SBF2: variants seen among roughly 807,000 people sequenced by gnomAD.
The protein encoded by SBF2 is myotubularin-related protein 13.
Under a neutral mutation model 225.2 loss-of-function variants are expected in SBF2, and 112 were observed. The observed-to-expected ratio is 0.50, with a 90% confidence interval of 0.43 to 0.58. The LOEUF (loss-of-function observed/expected upper bound fraction) is 0.58, where lower values mean the gene tolerates loss of function less well. Among genes scored for constraint, SBF2 ranks in the 20% least tolerant of loss-of-function variants. The pLI, the probability that SBF2 is intolerant of heterozygous loss-of-function variation, is 0.00. For synonymous variants in SBF2, 763 were observed against 773.3 expected, an observed-to-expected ratio of 0.99 and a Z score of 0.22; for missense variants, 1,996 against 2,206.2, an observed-to-expected ratio of 0.90 and a Z score of 1.91.
Position 9,850,147 on chromosome 11 carries a change from A to G in SBF2, c.2682T>C (p.Asp894=). Residue 894 remains aspartate, a synonymous_variant, in exon 22 of 40, where the codon GAT becomes GAC. Coordinates refer to ENST00000256190, the MANE Select transcript of SBF2 (RefSeq NM_030962.4). ...IVCEGLRVLL[D]PDGREEATGG... ...CAGTAGCTTCTTCTCTTCCATCAGG[A>G]TCCAGCAAGACTCGAAGACCCTCAC... The G allele has an allele frequency of 6.2e-7, 1 of 1,614,096 alleles. No homozygotes were observed. Among genetic ancestry groups the G allele is most frequent in the Non-Finnish European group, 8.5e-7 (1 of 1,180,004 alleles).
At chr11:10,279,159 C>A (rs1048345966) in intron 1 of SBF2, among the ~76,000 whole-genome samples, 2 of 135,650 alleles carry the variant, frequency 1.5e-5, no homozygotes, top group Admixed American at 1.5e-4. Context: ...TGCCTGTAAT[C>A]TCAGCACTTT....
intron 2 of SBF2, among the ~76,000 whole-genome samples, chr11:10,073,863 A>G (rs143704766): frequency 6.6e-6 from 1 of 152,326 alleles, no homozygotes; most frequent in Non-Finnish European, 1.5e-5. Flanking sequence ...CAAGTGGGGA[A>G]ATATAAAGAC....
At chr11:9,927,079 G>T (rs912089632) in intron 16 of SBF2, among the ~76,000 whole-genome samples, 6 of 152,042 alleles carry the variant, frequency 3.9e-5, no homozygotes, top group Admixed American at 2.0e-4. Context: ...AGATTCTATA[G>T]ATATTAAAAA....
At chr11:9,794,089 G>C (rs1272339435) in intron 33 of SBF2, among the ~76,000 whole-genome samples, 1 of 151,984 alleles carries the variant, frequency 6.6e-6, no homozygotes, top group Non-Finnish European at 1.5e-5. Flanking sequence ...AGGCTGAGGT[G>C]GGATATCGCT....
chr11:9,872,154 T>A (rs1858827571), intron 17 of SBF2, among the ~76,000 whole-genome samples: 1 of 152,192 alleles, frequency 6.6e-6, no homozygotes, highest in South Asian at 2.1e-4. Flanking sequence ...AGGAATGAGA[T>A]CATGATCTTT....
intron 36 of SBF2, 54 bp downstream of exon 36, chr11:9,787,580 C>T: frequency 6.7e-7 from 1 of 1,492,290 alleles, no homozygotes; most frequent in Admixed American, 1.7e-5. Context: ...CTCCACCTGA[C>T]TTAGCACCCT....
chr11:10,281,327 C>T (rs59651099), intron 1 of SBF2, among the ~76,000 whole-genome samples: 3,201 of 152,160 alleles, frequency 0.021, 85 homozygotes, highest in African/African-American at 0.063. Flanking sequence ...CTGCAGCCTT[C>T]ATATCAGAAT....
chr11:9,815,194 C>T (rs1008663032), intron 29 of SBF2, among the ~76,000 whole-genome samples: 2 of 148,626 alleles, frequency 1.3e-5, no homozygotes, highest in African/African-American at 5.0e-5. Flanking sequence ...AATCCCAGCA[C>T]TTTGGGAGGC....
intron 2 of SBF2, among the ~76,000 whole-genome samples, chr11:10,061,943 T>C (rs1950460670): frequency 6.6e-6 from 1 of 152,202 alleles, no homozygotes; most frequent in Non-Finnish European, 1.5e-5. Context: ...CTTCAAACTA[T>C]AGTGCAAGGC....
intron 25 of SBF2, 135 bp downstream of exon 25, chr11:9,842,490 A>C: frequency 1.2e-6 from 1 of 822,092 alleles, no homozygotes; most frequent in South Asian, 1.5e-5. Context: ...CAGTTCTAAG[A>C]AGCTGGTAAG....
At chr11:10,198,611 A>C (rs561789108) in intron 1 of SBF2, among the ~76,000 whole-genome samples, 1 of 152,220 alleles carries the variant, frequency 6.6e-6, no homozygotes, top group African/African-American at 2.4e-5. Context: ...TTTGAAGCCA[A>C]GCATTTACTT....
rs138333932 is a variant in SBF2 at position 9,971,313 on chromosome 11, A to G, written c.1396-2768T>C. Among the ~76,000 whole-genome samples, 5 of 152,002 alleles carry G rather than the reference A, an allele frequency of 3.3e-5. No individual in the cohort carries two copies. The South Asian group carries it at 1.0e-3, about 32-fold the overall frequency. ...GTATTTTTTCTAGTTATATATATAT[A>G]TTTTTCTCTATTGTTATATTATCTG... On this transcript the variant is annotated intron_variant, in intron 13 of 39. Coordinates refer to ENST00000256190, the MANE Select transcript of SBF2 (RefSeq NM_030962.4).
intron 14 of SBF2, 28 bp from the exon 15 acceptor site, chr11:9,963,910 A>C (rs750489607): frequency 7.8e-7 from 1 of 1,286,388 alleles, no homozygotes; most frequent in Non-Finnish European, 1.1e-6. Context: ...AGAAAGCACA[A>C]ATAAATTAAA....
At chr11:9,917,656 CCTT>C (rs1863215792) in intron 16 of SBF2, among the ~76,000 whole-genome samples, 1 of 151,364 alleles carries the variant, frequency 6.6e-6, no homozygotes, top group Admixed American at 6.6e-5. Context: ...TTCTATCTTC[CCTT>C]CTTAATATTA....
chr11:9,887,072 T>G (rs1000573018), intron 17 of SBF2, among the ~76,000 whole-genome samples: 1 of 151,986 alleles, frequency 6.6e-6, no homozygotes, highest in Non-Finnish European at 1.5e-5. Flanking sequence ...ATAGTCTTAG[T>G]AGGCTGCCTC....
chr11:10,132,566 C>T (rs953852027), intron 2 of SBF2, among the ~76,000 whole-genome samples: 5 of 148,096 alleles, frequency 3.4e-5, no homozygotes, highest in South Asian at 2.1e-4. Flanking sequence ...TCGTTCCTCC[C>T]GGTGGGCTCG....
At chr11:9,805,422 C>T (rs546886495) in intron 32 of SBF2, among the ~76,000 whole-genome samples, 10 of 152,162 alleles carry the variant, frequency 6.6e-5, no homozygotes, top group South Asian at 4.1e-4. Context: ...ATTGTGTAGC[C>T]ATTCACCTAC....
intron 16 of SBF2, chr11:9,958,875 T>G (rs1224850193): frequency 1.5e-6 from 1 of 672,074 alleles, no homozygotes; most frequent in Non-Finnish European, 2.8e-6. Context: ...TGGCCAACAG[T>G]CTGGGGAATG....
chr11:10,218,328 C>A (rs1163769814), intron 1 of SBF2, among the ~76,000 whole-genome samples: 9 of 117,556 alleles, frequency 7.7e-5, no homozygotes, highest in African/African-American at 1.9e-4. Context: ...CCACCCCCCC[C>A]CCCACCCAAT....
Sources: allele counts gnomAD v4.1 joint callset (sites outside exome capture counted in the v4.1 genomes callset), GRCh38; gene constraint gnomAD v4.1.1; transcripts MANE v1.5; gene names NCBI Gene and HGNC (gene_info 2026-07-23, HGNC 2026-07-21).